Variants in PDE1A observed in about 807,000 individuals in gnomAD.
PDE1A encodes phosphodiesterase 1A, also known as dual specificity calcium/calmodulin-dependent 3',5'-cyclic nucleotide phosphodiesterase 1A.
In PDE1A, 35 loss-of-function variants were observed where a neutral mutation model predicts 61.7. The observed-to-expected ratio is 0.57, with a 90% CI of 0.43 to 0.75. The LOEUF is 0.75. PDE1A is among the 30% of genes least tolerant of loss of function. PDE1A has a pLI of 0.00. For missense variants in PDE1A, 597 were observed against 630.6 expected (o/e 0.95, Z 0.57); for synonymous variants, 232 against 213.2 (o/e 1.09, Z -0.77).
At position 182,258,547 on chromosome 2, in the gene PDE1A, G is replaced by A. The variant is rs977652006; in HGVS notation, c.167+5754C>T. ...AAGTAAAGGTATTTAAAAATTCTGA[G>A]ACCCTTGAGTTATAATTCATATCTC... On this transcript the variant is annotated intron_variant, in intron 2 of 13. Transcript: ENST00000351439. 2.6e-5 allele frequency among the ~76,000 whole-genome samples: 4 copies of A among 152,164 alleles called. No individual in the cohort carries two copies. The East Asian group carries it at 7.7e-4, about 29-fold the overall frequency.
At chr2:182,177,586 T>C (rs1230220280) in intron 13 of PDE1A, among the ~76,000 whole-genome samples, 4 of 152,146 alleles carry the variant, frequency 2.6e-5, no homozygotes, top group Non-Finnish European at 4.4e-5. Context: ...TGTGGCATTA[T>C]TTCTGGGGCC....
chr2:182,551,417 T>C, the PDE1A span, among the ~76,000 whole-genome samples: 1 of 152,034 alleles, frequency 6.6e-6, no homozygotes, highest in Non-Finnish European at 1.5e-5. Flanking sequence ...AGTAAGCTGA[T>C]AACAGTAATA....
At chr2:182,690,997 G>A in the PDE1A span, among the ~76,000 whole-genome samples, 2 of 152,154 alleles carry the variant, frequency 1.3e-5, no homozygotes, top group African/African-American at 2.4e-5. Context: ...TCTTCAAGGA[G>A]ATCTACAAAC....
At chr2:182,148,748 T>C (rs1452867624) in intron 13 of PDE1A, among the ~76,000 whole-genome samples, 1 of 152,208 alleles carries the variant, frequency 6.6e-6, no homozygotes, top group Non-Finnish European at 1.5e-5. Flanking sequence ...TTTAACTCTT[T>C]AGATCTCTCA....
intron 7 of PDE1A, among the ~76,000 whole-genome samples, chr2:182,220,801 A>G (rs1688651206): frequency 6.6e-6 from 1 of 152,050 alleles, no homozygotes; most frequent in South Asian, 2.1e-4. Flanking sequence ...TCCAAGTAAC[A>G]ATGAATAATA....
chr2:182,298,270 C>A (rs1013738952), intron 1 of PDE1A, among the ~76,000 whole-genome samples: 1 of 152,052 alleles, frequency 6.6e-6, no homozygotes, highest in Non-Finnish European at 1.5e-5. Context: ...GCCATTGCAG[C>A]GCTTAAAGCA....
At position 182,277,549 on chromosome 2, in the gene PDE1A, A is replaced by G. The variant is rs144953310; in HGVS notation, c.54-13135T>C. On this transcript the variant is annotated intron_variant, in intron 1 of 13. Transcript: ENST00000351439. Reference sequence around the variant, plus strand: ...CTAGTTGGGCTTCTCTTGTAAGTTCATATCTGCCCCTACATGAGGCAAACA... The same window carrying G: ...CTAGTTGGGCTTCTCTTGTAAGTTCGTATCTGCCCCTACATGAGGCAAACA... Among the ~76,000 whole-genome samples, 940 of 152,202 alleles carry G rather than the reference A, an allele frequency of 6.2e-3. 11 individuals carry two copies. The highest frequency in any genetic ancestry group is 0.021 in the African/African-American group (878 of 41,550).
chr2:182,232,184 C>A (rs910722397), intron 4 of PDE1A, among the ~76,000 whole-genome samples: 2 of 151,974 alleles, frequency 1.3e-5, no homozygotes, highest in East Asian at 1.9e-4. Context: ...CTGGAAAGTA[C>A]CCCCTAACAG....
At position 182,349,087 on chromosome 2, in the gene PDE1A, C is replaced by T. The variant is rs933919056; in HGVS notation, c.53+77491G>A. Among the ~76,000 whole-genome samples the T allele has an allele frequency of 2.0e-5, 3 of 152,228 alleles. No homozygotes were observed. The South Asian group carries it at 6.2e-4, about 32-fold the overall frequency. The stretch of plus-strand genomic sequence containing the variant: ...TCAGTCTCAGGAGAATTGAAAATAA[C>T]TCAAGGGTACGTACAGACCAGACCT... On this transcript the variant is annotated intron_variant, in intron 1 of 13. Coordinates refer to ENST00000351439, the Ensembl canonical transcript of PDE1A.
At chr2:182,626,717 T>TTATATA in the PDE1A span, among the ~76,000 whole-genome samples, 1 of 29,116 alleles carries the variant, frequency 3.4e-5, no homozygotes, top group Non-Finnish European at 7.3e-5. Context: ...ACAAATGGCT[T>TTATATA]TATATATATA....
intron 2 of PDE1A, among the ~76,000 whole-genome samples, chr2:182,521,655 C>T (rs938619842): frequency 3.9e-5 from 6 of 151,994 alleles, no homozygotes; most frequent in Admixed American, 2.0e-4. Flanking sequence ...TAATTCTTGA[C>T]CCATTTTACT....
chr2:182,250,065 C>CTGAT (rs1691285635), intron 2 of PDE1A, among the ~76,000 whole-genome samples: 1 of 152,168 alleles, frequency 6.6e-6, no homozygotes, highest in East Asian at 1.9e-4. Flanking sequence ...GTCTGAGTTA[C>CTGAT]TGATTGATAA....
chr2:182,515,952 T>G (rs4425048), intron 2 of PDE1A, among the ~76,000 whole-genome samples: 1 of 77,122 alleles, frequency 1.3e-5, no homozygotes, highest in South Asian at 6.0e-4. Context: ...GTGTGTGTGT[T>G]TCTGTGTGTG....
At chr2:182,201,119 A>G (rs1686591586) in intron 10 of PDE1A, among the ~76,000 whole-genome samples, 1 of 152,102 alleles carries the variant, frequency 6.6e-6, no homozygotes, top group Admixed American at 6.5e-5. Flanking sequence ...TACTCTTTCT[A>G]TTATGAAAGC....
Position 182,483,121 on chromosome 2 carries a change from C to T in PDE1A, c.101+39155G>A, listed in dbSNP as rs78437346. On this transcript the variant is annotated intron_variant, in intron 2 of 14. Transcript: ENST00000410103. ...ATTCATAATGGTCAGAGGGCCAATA[C>T]ATCAGGACAATATAGCAATCATAGC... 6.6e-5 allele frequency among the ~76,000 whole-genome samples: 10 copies of T among 151,946 alleles called. No homozygotes were observed. The East Asian group carries it at 1.7e-3, about 27-fold the overall frequency.
At chr2:182,538,287 A>C in the PDE1A span, among the ~76,000 whole-genome samples, 1 of 152,142 alleles carries the variant, frequency 6.6e-6, no homozygotes. Context: ...ATAAACTCCC[A>C]TGGCAAGAGA....
chr2:182,299,385 T>C (rs961843474), intron 1 of PDE1A, among the ~76,000 whole-genome samples: 2 of 150,332 alleles, frequency 1.3e-5, no homozygotes, highest in African/African-American at 4.9e-5. Flanking sequence ...AGAGCCATTA[T>C]GGTAGGAAAG....
At chr2:182,307,641 A>G (rs1404047018) in intron 1 of PDE1A, among the ~76,000 whole-genome samples, 1 of 152,154 alleles carries the variant, frequency 6.6e-6, no homozygotes, top group Admixed American at 6.5e-5. Context: ...ATATCGTCAC[A>G]AGCCTGTCAG....
At chr2:182,262,717 T>TA (rs1349934631) in intron 2 of PDE1A, among the ~76,000 whole-genome samples, 5 of 151,896 alleles carry the variant, frequency 3.3e-5, no homozygotes, top group Non-Finnish European at 5.9e-5. Flanking sequence ...GTCAAATATT[T>TA]AAAAAATCAG....
Sources: allele counts gnomAD v4.1 joint callset (sites outside exome capture counted in the v4.1 genomes callset), GRCh38; gene constraint gnomAD v4.1.1; transcripts MANE v1.5; gene names NCBI Gene and HGNC (gene_info 2026-07-23, HGNC 2026-07-21).